The following XPC variants were observed in gnomAD, a reference collection of about 807,000 sequenced individuals.
XPC encodes the protein XPC complex subunit, DNA damage recognition and repair factor, also known as DNA repair protein complementing XP-C cells.
A neutral mutation model predicts 95.8 loss-of-function variants in XPC; 76 were observed. The ratio of observed to expected loss-of-function variants is 0.79; its 90% CI spans 0.66 to 0.96. The LOEUF is 0.96. Ranked by LOEUF, XPC falls within the 40% of genes least tolerant of loss-of-function variation. The probability of loss-of-function intolerance (pLI) is 0.00; values close to 1 mark genes in which losing one functional copy is unlikely to be tolerated. For synonymous variants in XPC, 442 were observed against 442.1 expected (o/e 1.00, Z 0.00); for missense variants, 1,146 against 1,179.8 (o/e 0.97, Z 0.42).
chr3:14,158,026 C>A lies in XPC; in HGVS notation c.1857G>T (p.Lys619Asn). Residue 619 changes from lysine to asparagine, a missense_variant, in exon 9 of 16, where the codon AAG (lysine) becomes AAT (asparagine). Transcript: ENST00000285021. The surrounding 1 kb of genome is among the most constrained non-coding windows in gnomAD (Gnocchi z 5.2). ...AAGGCCTTACCTCCAAGTCTTCTTT[C>A]TTCTCCCTGTCCATAAATGGGCTCT... The part of the protein sequence containing the change: ...PYQSPFMDRE[K>N]KEDLEFQAKH... 1.9e-6 allele frequency: 3 copies of A among 1,598,490 alleles called. No individual in the cohort carries two copies. Among genetic ancestry groups the A allele is most frequent in the Non-Finnish European group, 2.6e-6 (3 of 1,167,144 alleles).
intron 10 of XPC, 54 bp downstream of exon 10, chr3:14,156,281 G>A: frequency 1.3e-6 from 2 of 1,572,120 alleles, no homozygotes; most frequent in Non-Finnish European, 1.7e-6. Context: ...GAAGAAGGCT[G>A]CTAATCCCAT....
At chr3:14,165,085 C>G (rs1574969332) in intron 6 of XPC, among the ~76,000 whole-genome samples, 152 bp from the exon 7 acceptor site, 1 of 152,166 alleles carries the variant, frequency 6.6e-6, no homozygotes, top group Non-Finnish European at 1.5e-5. Flanking sequence ...CCTATCATCA[C>G]TGCAGACCCA....
At chr3:14,163,681 T>C (rs951750484) in intron 7 of XPC, among the ~76,000 whole-genome samples, 2 of 152,212 alleles carry the variant, frequency 1.3e-5, no homozygotes, top group African/African-American at 4.8e-5. Context: ...GAGGTGGTAG[T>C]TGCACAACAT....
At chr3:14,168,226 C>T (rs985892357) in intron 4 of XPC, 31 bp downstream of exon 4, 4 of 1,587,558 alleles carry the variant, frequency 2.5e-6, no homozygotes, top group Admixed American at 3.8e-5. Context: ...CTGCATGTGA[C>T]AGGAGCCTAG....
chr3:14,149,585 G>C (rs568974044), intron 11 of XPC: 2 of 152,146 alleles, frequency 1.3e-5, no homozygotes, highest in Non-Finnish European at 2.9e-5. Context: ...CCTGTCTCCT[G>C]AGTAGCTGGG....
Position 14,148,737 on chromosome 3 carries a change from T to G in XPC, c.2251-6A>C, listed in dbSNP as rs2279017. ...CCAAACTCGTTCCGGGGCACCTGTGTCGGGTGAGCAAGTCAGCATTTGGCC... is the reference window on the plus strand; with the variant it reads ...CCAAACTCGTTCCGGGGCACCTGTGGCGGGTGAGCAAGTCAGCATTTGGCC... On this transcript the variant is annotated splice_polypyrimidine_tract_variant and splice_region_variant and intron_variant, in intron 12 of 15. Transcript: ENST00000285021. The G allele has an allele frequency of 0.61, 988,025 of 1,613,516 alleles. 304,401 individuals carry two copies. Among genetic ancestry groups the G allele is most frequent in the African/African-American group, 0.71 (52,895 of 74,928 alleles).
At chr3:14,167,285 A>T in intron 4 of XPC, 32 bp from the exon 5 acceptor site, 1 of 1,585,804 alleles carries the variant, frequency 6.3e-7, no homozygotes, top group African/African-American at 1.3e-5. Context: ...CTGGGAATGA[A>T]GGGGGGAACT....
chr3:14,145,651 T>C lies in XPC; in HGVS notation c.*290A>G. On this transcript the variant is annotated 3_prime_UTR_variant, in exon 16 of 16. Coordinates refer to ENST00000285021, the MANE Select transcript of XPC (RefSeq NM_004628.5). ...AGAACAGGTCTAGGAGGCAGAAGAGTATCTCCTAGCAAAGTGTTCTGTAGC... is the reference window on the plus strand; with the variant it reads ...AGAACAGGTCTAGGAGGCAGAAGAGCATCTCCTAGCAAAGTGTTCTGTAGC... The C allele has an allele frequency of 1.4e-6, 1 of 699,112 alleles. No individual in the cohort carries two copies. Among genetic ancestry groups the C allele is most frequent in the Non-Finnish European group, 2.6e-6 (1 of 384,660 alleles). The allele number at this position is 699,112 out of a possible 1,614,324, so 43.3% of individuals were successfully genotyped here. A position where few individuals can be genotyped will look rare whatever the true frequency, so the allele number is the denominator to read the frequency against.
chr3:14,176,466 A>C (rs1413642527), intron 1 of XPC, among the ~76,000 whole-genome samples: 1 of 152,232 alleles, frequency 6.6e-6, no homozygotes, highest in Non-Finnish European at 1.5e-5. Context: ...TGAATGTTTT[A>C]CATGTAAATG....
intron 7 of XPC, among the ~76,000 whole-genome samples, chr3:14,163,381 GA>G (rs1696239621): frequency 6.6e-6 from 1 of 152,188 alleles, no homozygotes; most frequent in African/African-American, 2.4e-5. Flanking sequence ...AATGGATAGA[GA>G]AAATGTATAA....
rs772998290 is a variant in XPC at position 14,164,816 on chromosome 3, G to A, written c.897C>T (p.Val299=). The A allele has an allele frequency of 1.9e-6, 3 of 1,612,882 alleles. No homozygotes were observed. Among genetic ancestry groups the A allele is most frequent in the South Asian group, 2.2e-5 (2 of 90,830 alleles). The part of the protein sequence containing the change: ...IYSARDDEEL[V]HIFLLILRAL... Reference sequence around the variant, plus strand: ...GTGATCCGGGAGGATCACTTACATGGACCAATTCCTCATCATCTCGAGCAG... The same window carrying A: ...GTGATCCGGGAGGATCACTTACATGAACCAATTCCTCATCATCTCGAGCAG... The change falls in exon 7 of 16, where the codon GTC becomes GTT. Residue 299 remains valine, a synonymous_variant. Transcript: ENST00000285021.
At position 14,156,447 on chromosome 3, in the gene XPC, A is replaced by G. The variant is rs587778758; in HGVS notation, c.1921T>C (p.Tyr641His). Residue 641 changes from tyrosine to histidine, a missense_variant, in exon 10 of 16, where the codon TAT (tyrosine) becomes CAT (histidine). Coordinates refer to ENST00000285021, the MANE Select transcript of XPC (RefSeq NM_004628.5). Reference sequence around the variant, plus strand: ...AGGGCATACAGAGGGTGGTTCTTATATAAGCCAATGGCAGTGGGCAAAGGC... The same window carrying G: ...AGGGCATACAGAGGGTGGTTCTTATGTAAGCCAATGGCAGTGGGCAAAGGC... ...DQPLPTAIGL[Y>H]KNHPLYALKR... 43 of 1,614,040 alleles carry G rather than the reference A, an allele frequency of 2.7e-5. No homozygotes were observed. The highest frequency in any genetic ancestry group is 3.5e-5 in the Non-Finnish European group (41 of 1,179,886).
intron 10 of XPC, 121 bp from the exon 11 acceptor site, chr3:14,152,537 C>G (rs1470605998): frequency 1.9e-5 from 17 of 917,962 alleles, no homozygotes; most frequent in Non-Finnish European, 2.5e-5. Flanking sequence ...CTGGAGCAGG[C>G]CGAGCTCCTA....
chr3:14,156,201 C>CA lies in XPC; in HGVS notation c.2033+133dup. The CA allele has an allele frequency of 4.4e-6, 5 of 1,129,880 alleles. No homozygotes were observed. The South Asian group carries it at 8.2e-5, about 19-fold the overall frequency. 70.0% of individuals were successfully genotyped at this position (1,129,880 alleles called of 1,614,324 possible). A position where few individuals can be genotyped will look rare whatever the true frequency, so the allele number is the denominator to read the frequency against. ...TCTCCTACACATCACACACACACAG[C>CA]ACACGCACACTGGCTCAGCCCGAGA... On this transcript the variant is annotated intron_variant, in intron 10 of 15. Coordinates refer to ENST00000285021, the MANE Select transcript of XPC (RefSeq NM_004628.5).
At position 14,158,688 on chromosome 3, in the gene XPC, T is replaced by C. The variant is rs755930754; in HGVS notation, c.1195A>G (p.Ser399Gly). The C allele has an allele frequency of 4.3e-6, 7 of 1,613,906 alleles. No homozygotes were observed. The highest frequency in any genetic ancestry group is 5.9e-6 in the Non-Finnish European group (7 of 1,179,890). The change falls in exon 9 of 16, where the codon AGC (serine) becomes GGC (glycine). Residue 399 changes from serine (S) to glycine (G), a missense_variant. Ser to Gly is a moderately conservative substitution (Grantham distance 56, BLOSUM62 0). Coordinates refer to ENST00000285021, the MANE Select transcript of XPC (RefSeq NM_004628.5). This position sits in a 1 kb window ranked among gnomAD's most constrained non-coding sequence, Gnocchi z 5.2. The part of the protein sequence containing the change: ...GRKKRSKPSS[S>G]EEDEGPGDKQ... ...TCTCCTGGGCCCTCATCTTCCTCGC[T>C]GGAGGAGGGCTTGCTCCGTTTCTTT...
At chr3:14,164,751 G>A (rs1198037134) in intron 7 of XPC, 62 bp downstream of exon 7, 1 of 1,537,504 alleles carries the variant, frequency 6.5e-7, no homozygotes, top group African/African-American at 1.4e-5. Flanking sequence ...TCTGGCACAT[G>A]GCTGCCATTA....
At position 14,158,456 on chromosome 3, in the gene XPC, G is replaced by A; in HGVS notation, c.1427C>T (p.Thr476Ile). ...GGAGGCACTCTTGGACCCAGCCTTT[G>A]TCCTCTGAGGAGCGGGGGCTTTCCT... ...KQRKAPAPQR[T>I]KAGSKSASRT... is the part of the protein sequence containing the mutation. The change falls in exon 9 of 16, where the codon ACA (threonine) becomes ATA (isoleucine). Residue 476 changes from threonine to isoleucine, a missense_variant. Coordinates refer to ENST00000285021, the MANE Select transcript of XPC (RefSeq NM_004628.5). The surrounding 1 kb of genome is among the most constrained non-coding windows in gnomAD (Gnocchi z 5.2). 2 of 1,613,364 alleles carry A rather than the reference G, an allele frequency of 1.2e-6. No individual in the cohort carries two copies. The highest frequency in any genetic ancestry group is 1.7e-6 in the Non-Finnish European group (2 of 1,179,558).
At chr3:14,159,570 G>A (rs1696082098) in intron 8 of XPC, among the ~76,000 whole-genome samples, 171 bp downstream of exon 8, 1 of 152,208 alleles carries the variant, frequency 6.6e-6, no homozygotes, top group African/African-American at 2.4e-5. Context: ...CAGGCTGCTA[G>A]ATACCCACTC....
chr3:14,147,290 C>G lies in XPC; in HGVS notation c.2604G>C (p.Lys868Asn). ...RERLKRRYGPKSEAAAPHTDA... is the reference protein window; with the variant it reads ...RERLKRRYGPNSEAAAPHTDA... Reference sequence around the variant, plus strand: ...TTCTCTGCAAAGAACCTGCACTGACCTTGGGCCCGTAGCGACGCTTCAGCC... The same window carrying G: ...TTCTCTGCAAAGAACCTGCACTGACGTTGGGCCCGTAGCGACGCTTCAGCC... The change falls in exon 15 of 16, where the codon AAG becomes AAC. Residue 868 changes from lysine to asparagine, a missense_variant and splice_region_variant. Physicochemically the swap from Lys to Asn is moderately conservative, Grantham distance 94. Transcript: ENST00000285021. The G allele has an allele frequency of 6.2e-7, 1 of 1,608,148 alleles. No individual in the cohort carries two copies. The highest frequency in any genetic ancestry group is 1.3e-5 in the African/African-American group (1 of 74,940).
Sources: allele counts gnomAD v4.1 joint callset (sites outside exome capture counted in the v4.1 genomes callset), GRCh38; gene constraint gnomAD v4.1.1; non-coding constraint Gnocchi (gnomAD v3.1); transcripts MANE v1.5; gene names NCBI Gene and HGNC (gene_info 2026-07-23, HGNC 2026-07-21).